The following DISC1 variants were observed in gnomAD, a reference collection of about 807,000 sequenced individuals.
DISC1 encodes DISC1 scaffold protein.
DISC1 carries 57 observed loss-of-function variants against 84.5 expected under a neutral mutation model. That is an observed-to-expected ratio of 0.67 (90% CI 0.55 to 0.84). DISC1 has a LOEUF of 0.84. DISC1 is among the 40% of genes least tolerant of loss of function. The probability of loss-of-function intolerance (pLI) is 0.00; values close to 1 mark genes in which losing one functional copy is unlikely to be tolerated. For synonymous variants in DISC1, 411 were observed against 415.2 expected, an observed-to-expected ratio of 0.99 and a Z score of 0.12; for missense variants, 1,000 against 1,057.8, an observed-to-expected ratio of 0.95 and a Z score of 0.76.
intron 9 of DISC1, among the ~76,000 whole-genome samples, chr1:231,885,419 A>C (rs2125990853): frequency 6.6e-6 from 1 of 152,290 alleles, no homozygotes; most frequent in East Asian, 1.9e-4. Context: ...TGAGGGAAGG[A>C]GTGTGATAGG....
intron 4 of DISC1, among the ~76,000 whole-genome samples, chr1:231,751,533 A>G (rs942582781): frequency 6.6e-6 from 1 of 152,232 alleles, no homozygotes; most frequent in Non-Finnish European, 1.5e-5. Flanking sequence ...TATTGAATAC[A>G]TCATAATGTT....
intron 10 of DISC1, among the ~76,000 whole-genome samples, chr1:231,989,215 G>C (rs1003952929): frequency 1.3e-5 from 2 of 152,162 alleles, no homozygotes; most frequent in Non-Finnish European, 2.9e-5. Context: ...TTCCTACCCA[G>C]GTCAGGCTCA....
At position 231,910,092 on chromosome 1, in the gene DISC1, G is replaced by A. The variant is rs535035701; in HGVS notation, c.1982-48736G>A. On this transcript the variant is annotated intron_variant, in intron 9 of 12. Coordinates refer to ENST00000439617, the MANE Select transcript of DISC1 (RefSeq NM_018662.3). ...TTTCTTCTTTATTAGTCTTGCTAGC[G>A]GTCTATCAATTTTGTTGATCTTTTC... Among the ~76,000 whole-genome samples, 20 of 152,004 alleles carry A rather than the reference G, an allele frequency of 1.3e-4. 1 individual carries two copies. In the South Asian group the frequency reaches 2.1e-3, roughly 16 times the overall value.
At chr1:231,787,032 G>A (rs553584449) in intron 6 of DISC1, among the ~76,000 whole-genome samples, 6 of 152,308 alleles carry the variant, frequency 3.9e-5, no homozygotes, top group South Asian at 2.1e-4. Flanking sequence ...CAAGGAAGGC[G>A]TTCTTTTGCC....
chr1:231,630,138 T>A lies in DISC1; in HGVS notation c.67+3204T>A, dbSNP rs1372024080. Among the ~76,000 whole-genome samples, 7 of 152,014 alleles carry A rather than the reference T, an allele frequency of 4.6e-5. No individual in the cohort carries two copies. The highest frequency in any genetic ancestry group is 4.6e-4 in the Admixed American group (7 of 15,250). On this transcript the variant is annotated intron_variant, in intron 1 of 12. Transcript: ENST00000439617. The surrounding 1 kb of genome is among the most constrained non-coding windows in gnomAD (Gnocchi z 4.4). ...TACAGACAGGGTTTCACCATGTTGA[T>A]CAGCATGGTCTCGATCTCCTGACCT...
At chr1:231,790,345 C>A (rs2078237869) in intron 6 of DISC1, among the ~76,000 whole-genome samples, 1 of 152,092 alleles carries the variant, frequency 6.6e-6, no homozygotes, top group Non-Finnish European at 1.5e-5. Flanking sequence ...GTGGCTTAGA[C>A]AACAGAAATT....
chr1:231,967,156 A>C (rs1392475828), intron 10 of DISC1, among the ~76,000 whole-genome samples: 2 of 152,258 alleles, frequency 1.3e-5, no homozygotes, highest in African/African-American at 4.8e-5. Context: ...TCACCCTGCT[A>C]ATGAATGTCC....
chr1:231,787,040 G>A (rs986472917), intron 6 of DISC1, among the ~76,000 whole-genome samples: 2 of 152,188 alleles, frequency 1.3e-5, no homozygotes, highest in Admixed American at 1.3e-4. Flanking sequence ...GCGTTCTTTT[G>A]CCTGGATCTA....
At chr1:231,678,110 T>C (rs2063333822) in intron 1 of DISC1, among the ~76,000 whole-genome samples, 1 of 152,174 alleles carries the variant, frequency 6.6e-6, no homozygotes, top group Admixed American at 6.5e-5. Context: ...TCTGTAAACA[T>C]CCTATGCTCC....
intron 8 of DISC1, among the ~76,000 whole-genome samples, chr1:231,808,323 AG>A (rs1201537690): frequency 6.6e-6 from 1 of 152,192 alleles, no homozygotes; most frequent in Non-Finnish European, 1.5e-5. Context: ...TGGACTCTTG[AG>A]TCACATCTTT....
rs2087800593 is a variant in DISC1, at chr1:231,897,533, C to CT, written c.1982-61292dup. ...TCTTTTTCTTTATCTTTTTTTTTTC[C>CT]TTTAACAACCTCCAGCCTATTTGTG... is the stretch of plus-strand genomic sequence containing the variant. On this transcript the variant is annotated intron_variant, in intron 9 of 12. Coordinates refer to ENST00000439617, the MANE Select transcript of DISC1 (RefSeq NM_018662.3). The surrounding 1 kb of genome is among the most constrained non-coding windows in gnomAD (Gnocchi z 4.5). Among the ~76,000 whole-genome samples, 1 of 150,988 alleles carries CT rather than the reference C, an allele frequency of 6.6e-6. No homozygotes were observed. The highest frequency in any genetic ancestry group is 6.6e-5 in the Admixed American group (1 of 15,194).
intron 9 of DISC1, among the ~76,000 whole-genome samples, chr1:231,842,219 C>T (rs1030967419): frequency 6.6e-6 from 1 of 152,100 alleles, no homozygotes; most frequent in Non-Finnish European, 1.5e-5. Context: ...CCCAGGCTGG[C>T]CTTGAACTTC....
At chr1:231,880,561 C>T (rs1051774374) in intron 9 of DISC1, among the ~76,000 whole-genome samples, 19 of 152,120 alleles carry the variant, frequency 1.2e-4, no homozygotes, top group Non-Finnish European at 2.4e-4. Flanking sequence ...GATGATAACA[C>T]TGTTATAGGA....
chr1:231,924,803 C>T (rs1211341103), intron 9 of DISC1, among the ~76,000 whole-genome samples: 1 of 151,806 alleles, frequency 6.6e-6, no homozygotes, highest in South Asian at 2.1e-4. Flanking sequence ...ATTACAGGCG[C>T]CTGCCACCAT....
chr1:231,760,449 C>G (rs1391847718), intron 4 of DISC1, among the ~76,000 whole-genome samples: 3 of 152,096 alleles, frequency 2.0e-5, no homozygotes, highest in Admixed American at 2.0e-4. Context: ...AATTAGCAAC[C>G]TTAATCAGAA....
intron 1 of DISC1, among the ~76,000 whole-genome samples, chr1:231,640,369 A>C (rs186587696): frequency 2.0e-5 from 3 of 152,284 alleles, no homozygotes; most frequent in Admixed American, 2.0e-4. Flanking sequence ...AGATGAGCAC[A>C]AGACATCATG....
chr1:231,832,575 T>C (rs1484048193), intron 9 of DISC1, among the ~76,000 whole-genome samples: 2 of 151,592 alleles, frequency 1.3e-5, no homozygotes, highest in Non-Finnish European at 2.9e-5. Context: ...TGTGAAGCCC[T>C]GTGGCAGTAC....
chr1:231,720,816 A>G lies in DISC1; in HGVS notation c.1117+18792A>G. 3 of 1,285,476 alleles carry G rather than the reference A, an allele frequency of 2.3e-6. No homozygotes were observed. The South Asian group carries it at 3.7e-5, about 16-fold the overall frequency. 79.6% of individuals were successfully genotyped at this position (1,285,476 alleles called of 1,614,324 possible). ...CAGGGCAGAAGTGGTTCTGAGCAGC[A>G]GGTAGGAAACGTGTTGTCGTTTCGT... On this transcript the variant is annotated intron_variant, in intron 3 of 12. Coordinates refer to ENST00000439617, the MANE Select transcript of DISC1 (RefSeq NM_018662.3).
At chr1:231,749,661 C>T (rs2074386542) in intron 3 of DISC1, among the ~76,000 whole-genome samples, 1 of 152,096 alleles carries the variant, frequency 6.6e-6, no homozygotes, top group Non-Finnish European at 1.5e-5. Context: ...TGTGTGAAGA[C>T]CATAATTATG....
Sources: gnomAD v4.1 joint callset for allele counts (sites outside exome capture counted in the v4.1 genomes callset) on GRCh38, gnomAD v4.1.1 for gene constraint, Gnocchi (gnomAD v3.1) non-coding constraint, MANE v1.5 for transcripts, NCBI Gene and HGNC (gene_info 2026-07-23, HGNC 2026-07-21) for gene names.